Variants in CCT7 observed in about 807,000 individuals in gnomAD.
CCT7 encodes chaperonin containing TCP1 subunit 7.
Under a neutral mutation model 56.6 loss-of-function variants are expected in CCT7, and 16 were observed. The ratio of observed to expected loss-of-function variants is 0.28; its 90% confidence interval spans 0.19 to 0.43. The LOEUF is 0.43. CCT7 is among the 20% of genes least tolerant of loss of function. The pLI is 1.00. For synonymous variants in CCT7, 262 were observed against 254.8 expected (o/e 1.03, Z -0.27); for missense variants, 519 against 685.6 (o/e 0.76, Z 2.71).
intron 7 of CCT7, 112 bp from the exon 8 acceptor site, chr2:73,248,879 C>A: frequency 1.2e-6 from 1 of 819,994 alleles, no homozygotes; most frequent in East Asian, 2.6e-5. Context: ...TCTGTTAATT[C>A]CCAGATGAAT....
chr2:73,247,989 G>A, intron 7 of CCT7, 63 bp downstream of exon 7: 1 of 1,456,222 alleles, frequency 6.9e-7, no homozygotes, highest in South Asian at 1.2e-5. Flanking sequence ...CAGAGCCCTG[G>A]GTCTTCATGG....
intron 2 of CCT7, 31 bp downstream of exon 2, chr2:73,239,827 G>A: frequency 6.2e-7 from 1 of 1,608,688 alleles, no homozygotes; most frequent in Non-Finnish European, 8.5e-7. Context: ...AGGCCTGTGT[G>A]CAGGAAAGGA....
intron 6 of CCT7, among the ~76,000 whole-genome samples, chr2:73,246,335 T>C (rs1234296521): frequency 1.3e-5 from 2 of 152,262 alleles, no homozygotes; most frequent in Admixed American, 1.3e-4. Context: ...CACCACCGTT[T>C]ATTCAGTCAC....
At position 73,243,986 on chromosome 2, in the gene CCT7, G is replaced by T; in HGVS notation, c.394-11G>T. On this transcript the variant is annotated splice_polypyrimidine_tract_variant and intron_variant, in intron 4 of 11. Coordinates refer to ENST00000258091, the MANE Select transcript of CCT7 (RefSeq NM_006429.4). The stretch of plus-strand genomic sequence containing the variant: ...AGCATGAGAGACTCATTCAACTTCT[G>T]TTCTTGGCAGGCAGTTAACAAGATC... 6.2e-7 allele frequency: 1 copy of T among 1,613,204 alleles called. No homozygotes were observed.
intron 1 of CCT7, among the ~76,000 whole-genome samples, chr2:73,236,260 G>A (rs1686878869): frequency 6.6e-6 from 1 of 152,200 alleles, no homozygotes; most frequent in South Asian, 2.1e-4. Flanking sequence ...AAAGTAGGAT[G>A]AAGAGGAAGA....
intron 1 of CCT7, 69 bp from the exon 2 acceptor site, chr2:73,239,570 ATTTT>A: frequency 1.4e-6 from 2 of 1,392,528 alleles, no homozygotes; most frequent in Non-Finnish European, 2.0e-6. Flanking sequence ...AGATGGGAGC[ATTTT>A]CCCCTTTCCC....
chr2:73,239,623 T>A lies in CCT7; in HGVS notation c.7-20T>A. 1 of 1,610,718 alleles carries A rather than the reference T, an allele frequency of 6.2e-7. No homozygotes were observed. Among genetic ancestry groups the A allele is most frequent in the South Asian group, 1.1e-5 (1 of 90,884 alleles). On this transcript the variant is annotated intron_variant, in intron 1 of 11. Coordinates refer to ENST00000258091, the MANE Select transcript of CCT7 (RefSeq NM_006429.4). ...TATAATAGATGATTATTAAAAGCAG[T>A]TAATTTCTTTCTTTTCTAGCCCACA... is the stretch of plus-strand genomic sequence containing the variant.
intron 7 of CCT7, among the ~76,000 whole-genome samples, 185 bp from the exon 8 acceptor site, chr2:73,248,806 A>C (rs1286241895): frequency 2.6e-5 from 4 of 152,168 alleles, no homozygotes; most frequent in African/African-American, 7.2e-5. Context: ...GTTTCAGGTG[A>C]TTCCTAAGTC....
intron 2 of CCT7, 35 bp downstream of exon 2, chr2:73,239,831 G>C (rs1368825044): frequency 3.1e-6 from 5 of 1,603,914 alleles, no homozygotes; most frequent in Non-Finnish European, 4.3e-6. Flanking sequence ...CTGTGTGCAG[G>C]AAAGGAGGCT....
intron 11 of CCT7, among the ~76,000 whole-genome samples, 174 bp from the exon 12 acceptor site, chr2:73,252,466 A>AG (rs1574367212): frequency 6.6e-6 from 1 of 151,674 alleles, no homozygotes; most frequent in South Asian, 2.1e-4. Context: ...TGGCGGGAGT[A>AG]GGGGTGTTTC....
chr2:73,250,990 A>G (rs1399670856), intron 10 of CCT7, among the ~76,000 whole-genome samples: 4 of 152,132 alleles, frequency 2.6e-5, no homozygotes, highest in African/African-American at 9.7e-5. Flanking sequence ...ATATTCCAGT[A>G]ATTGTGCCAG....
chr2:73,239,498 A>G (rs1687012717), intron 1 of CCT7, 145 bp from the exon 2 acceptor site: 1 of 694,990 alleles, frequency 1.4e-6, no homozygotes, highest in African/African-American at 1.8e-5. Flanking sequence ...TGGGGAATGG[A>G]TGTGGTAGAC....
intron 3 of CCT7, 74 bp downstream of exon 3, chr2:73,240,617 A>AT (rs1023071877): frequency 1.3e-5 from 10 of 790,748 alleles, no homozygotes; most frequent in South Asian, 2.5e-5. Flanking sequence ...CCTCTATTAA[A>AT]TTTTTTTAAG....
chr2:73,248,702 C>G (rs1409236009), intron 7 of CCT7, among the ~76,000 whole-genome samples: 2 of 152,114 alleles, frequency 1.3e-5, no homozygotes, highest in African/African-American at 4.8e-5. Flanking sequence ...TCAGAAGAGT[C>G]TAGACCTCAG....
chr2:73,250,343 T>C lies in CCT7; in HGVS notation c.1108T>C (p.Cys370Arg). The change falls in exon 10 of 12, where the codon TGC (cysteine) becomes CGC (arginine). Residue 370 changes from cysteine (C) to arginine (R), a missense_variant. Coordinates refer to ENST00000258091, the MANE Select transcript of CCT7 (RefSeq NM_006429.4). ...FFTGCPKAKT[C>R]TFILRGGAEQ... Reference sequence around the variant, plus strand: ...TACTGGCTGCCCCAAGGCCAAGACATGCACCTTCATTCTCCGTGGCGGCGC... The same window carrying C: ...TACTGGCTGCCCCAAGGCCAAGACACGCACCTTCATTCTCCGTGGCGGCGC... The C allele has an allele frequency of 1.2e-6, 2 of 1,614,114 alleles. No homozygotes were observed. The highest frequency in any genetic ancestry group is 1.7e-6 in the Non-Finnish European group (2 of 1,180,010).
Position 73,249,009 on chromosome 2 carries a change from G to A in CCT7, c.802G>A (p.Asp268Asn), listed in dbSNP as rs1687462316. 2.5e-6 allele frequency: 4 copies of A among 1,612,872 alleles called. No individual in the cohort carries two copies. The highest frequency in any genetic ancestry group is 3.4e-6 in the Non-Finnish European group (4 of 1,179,792). Residue 268 changes from aspartate to asparagine, a missense_variant, in exon 8 of 12, where the codon GAT becomes AAT. Physicochemically the swap from Asp to Asn is conservative, Grantham distance 23. Around this residue, in one of 3 missense-constraint regions of CCT7, gnomAD observed 276 missense variants for 357.3 expected, o/e 0.77. Coordinates refer to ENST00000258091, the MANE Select transcript of CCT7 (RefSeq NM_006429.4). ...HTVEDYQAIVDAEWNILYDKL... is the reference protein window; with the variant it reads ...HTVEDYQAIVNAEWNILYDKL... ...TCTCCAGGATTATCAGGCAATTGTT[G>A]ATGCTGAGTGGAACATTCTCTATGA...
Position 73,244,695 on chromosome 2 carries a change from G to C in CCT7, c.598G>C (p.Val200Leu). Residue 200 changes from valine (V) to leucine (L), a missense_variant, in exon 6 of 12, where the codon GTA (valine) becomes CTA (leucine). Val to Leu is a conservative substitution (Grantham distance 32, BLOSUM62 1). This residue lies in a region of CCT7 where 276 missense variants were observed against 357.3 expected (regional missense o/e 0.77). Coordinates refer to ENST00000258091, the MANE Select transcript of CCT7 (RefSeq NM_006429.4). ...LQLKMIGIKK[V>L]QGGALEDSQL... ...GCTTAAAATGATTGGAATCAAGAAGGTACAGGGTGGAGCCCTCGAGGTAAG... is the reference window on the plus strand; with the variant it reads ...GCTTAAAATGATTGGAATCAAGAAGCTACAGGGTGGAGCCCTCGAGGTAAG... The C allele has an allele frequency of 6.2e-7, 1 of 1,612,980 alleles. No individual in the cohort carries two copies. The highest frequency in any genetic ancestry group is 8.5e-7 in the Non-Finnish European group (1 of 1,179,270).
chr2:73,250,223 T>C (rs909065), intron 9 of CCT7, 83 bp from the exon 10 acceptor site: 455,813 of 1,523,562 alleles, frequency 0.3, 70,175 homozygotes, highest in East Asian at 0.36. Flanking sequence ...CTGCTGAGTG[T>C]TGGGGGGGCT....
intron 1 of CCT7, chr2:73,239,035 C>CT (rs1431244157): frequency 1.3e-5 from 2 of 152,262 alleles, no homozygotes; most frequent in African/African-American, 4.8e-5. Context: ...GGAAACATTG[C>CT]TGTATGAATT....
Sources: gnomAD v4.1 joint callset for allele counts (sites outside exome capture counted in the v4.1 genomes callset) on GRCh38, gnomAD v4.1.1 for gene constraint, gnomAD v4.1.1 regional missense constraint, MANE v1.5 for transcripts, NCBI Gene and HGNC (gene_info 2026-07-23, HGNC 2026-07-21) for gene names.